The following STK32C variants were observed in gnomAD, a reference collection of about 807,000 sequenced individuals.
STK32C encodes serine/threonine-protein kinase 32C.
Under a neutral mutation model 56.5 loss-of-function variants are expected in STK32C, and 31 were observed. The ratio of observed to expected loss-of-function variants is 0.55; its 90% CI spans 0.41 to 0.74. The LOEUF (loss-of-function observed/expected upper bound fraction) is 0.74. Among genes scored for constraint, STK32C ranks in the 30% least tolerant of loss-of-function variants. The pLI, the probability that STK32C is intolerant of heterozygous loss-of-function variation, is 0.00. For synonymous variants in STK32C, 309 were observed against 289.4 expected, an observed-to-expected ratio of 1.07 and a Z score of -0.69; for missense variants, 544 against 676.9, an observed-to-expected ratio of 0.80 and a Z score of 2.18.
At chr10:132,244,749 C>T (rs1476027945) in intron 2 of STK32C, among the ~76,000 whole-genome samples, 1 of 152,212 alleles carries the variant, frequency 6.6e-6, no homozygotes, top group Non-Finnish European at 1.5e-5. Context: ...CTCCATCCTG[C>T]CTGCCCCTCG....
intron 10 of STK32C, among the ~76,000 whole-genome samples, chr10:132,221,935 C>A (rs2062681066): frequency 1.3e-5 from 2 of 151,136 alleles, no homozygotes; most frequent in Non-Finnish European, 2.9e-5. Context: ...CATCCCCACA[C>A]ACACAACTGA....
rs753703789 is a variant in STK32C at position 132,222,837 on chromosome 10, C to G, written c.1119+24G>C. 4.4e-6 allele frequency: 7 copies of G among 1,590,074 alleles called. No homozygotes were observed. In the South Asian group the frequency reaches 5.7e-5, roughly 13 times the overall value. On this transcript the variant is annotated intron_variant, in intron 9 of 11. Coordinates refer to ENST00000298630, the MANE Select transcript of STK32C (RefSeq NM_173575.4). ...CGCCACATCCATCCCCAGGGCCCCCCACCTGAGCCGCCCACAGGCTTACGT... is the reference window on the plus strand; with the variant it reads ...CGCCACATCCATCCCCAGGGCCCCCGACCTGAGCCGCCCACAGGCTTACGT...
At chr10:132,269,604 G>A (rs1590340593) in intron 1 of STK32C, among the ~76,000 whole-genome samples, 2 of 152,374 alleles carry the variant, frequency 1.3e-5, no homozygotes, top group Middle Eastern at 3.4e-3. Flanking sequence ...GCTGCTCGGG[G>A]CTAACAGCTA....
chr10:132,247,309 T>C (rs1752131918), intron 1 of STK32C, among the ~76,000 whole-genome samples: 1 of 152,178 alleles, frequency 6.6e-6, no homozygotes, highest in East Asian at 1.9e-4. Flanking sequence ...AACTGGAAAA[T>C]GCCCACTCCC....
intron 1 of STK32C, among the ~76,000 whole-genome samples, chr10:132,329,672 A>C (rs1175935112): frequency 6.6e-6 from 1 of 152,208 alleles, no homozygotes; most frequent in Admixed American, 6.6e-5. Flanking sequence ...TGGGAAGCGC[A>C]GTTTGAGAGA....
chr10:132,270,131 G>A (rs1020082198), intron 1 of STK32C, among the ~76,000 whole-genome samples: 9 of 152,230 alleles, frequency 5.9e-5, no homozygotes, highest in South Asian at 2.1e-4. Context: ...GGAGGAGGCC[G>A]AGAGAGCCCA....
At chr10:132,270,579 G>T (rs73383254) in intron 1 of STK32C, among the ~76,000 whole-genome samples, 1 of 152,234 alleles carries the variant, frequency 6.6e-6, no homozygotes, top group Non-Finnish European at 1.5e-5. Context: ...CCAGGACCCA[G>T]CATGGCCTCT....
intron 1 of STK32C, among the ~76,000 whole-genome samples, chr10:132,296,402 C>A (rs192517519): frequency 1.3e-5 from 2 of 152,068 alleles, no homozygotes; most frequent in South Asian, 4.2e-4. Flanking sequence ...CCTCTAGTTA[C>A]GACAAATGTA....
intron 2 of STK32C, among the ~76,000 whole-genome samples, chr10:132,234,983 G>A (rs1237999012): frequency 6.6e-6 from 1 of 152,222 alleles, no homozygotes; most frequent in African/African-American, 2.4e-5. Context: ...ACACGGTTGG[G>A]GAAGAAAGCA....
intron 10 of STK32C, among the ~76,000 whole-genome samples, chr10:132,215,777 G>C (rs117014649): frequency 0.12 from 17,634 of 152,248 alleles, 1,386 homozygotes; most frequent in South Asian, 0.16. Flanking sequence ...GGCAGAGGCT[G>C]GAACCATCTG....
intron 2 of STK32C, among the ~76,000 whole-genome samples, chr10:132,237,569 C>G (rs576807212): frequency 6.6e-6 from 1 of 152,362 alleles, no homozygotes; most frequent in South Asian, 2.1e-4. Context: ...GGTCCCCACG[C>G]AGGGTTTCTT....
intron 1 of STK32C, among the ~76,000 whole-genome samples, chr10:132,296,788 C>T (rs749003347): frequency 4.6e-5 from 7 of 152,238 alleles, no homozygotes; most frequent in Admixed American, 2.0e-4. Flanking sequence ...TGAGGAATGG[C>T]ACCGATCAGC....
chr10:132,250,144 C>T (rs1211352445), intron 1 of STK32C, among the ~76,000 whole-genome samples: 1 of 152,220 alleles, frequency 6.6e-6, no homozygotes, highest in Admixed American at 6.5e-5. Context: ...ACGCTGGCTC[C>T]GCACCGGGGG....
chr10:132,279,216 G>A (rs893967106), intron 1 of STK32C, among the ~76,000 whole-genome samples: 12 of 152,148 alleles, frequency 7.9e-5, no homozygotes, highest in Non-Finnish European at 1.0e-4. Context: ...TGACTTTCAC[G>A]ACTGAAGTGT....
At chr10:132,266,815 G>A (rs2064550304) in intron 1 of STK32C, among the ~76,000 whole-genome samples, 1 of 151,908 alleles carries the variant, frequency 6.6e-6, no homozygotes, top group African/African-American at 2.4e-5. Context: ...GTGGGGCGGG[G>A]GGACTCCAAG....
Position 132,227,851 on chromosome 10 carries a change from C to T in STK32C, c.470+126G>A, listed in dbSNP as rs546258633. On this transcript the variant is annotated intron_variant, in intron 3 of 11. Coordinates refer to ENST00000298630, the MANE Select transcript of STK32C (RefSeq NM_173575.4). Reference sequence around the variant, plus strand: ...ATAGATGAGGAGGGCTAGAGAGGGCCTGTGGGTGGCAGAGGCATCTCCGAG... The same window carrying T: ...ATAGATGAGGAGGGCTAGAGAGGGCTTGTGGGTGGCAGAGGCATCTCCGAG... 2.6e-5 allele frequency: 32 copies of T among 1,225,984 alleles called. No homozygotes were observed. The African/African-American group carries it at 3.7e-4, about 14-fold the overall frequency. 75.9% of individuals were successfully genotyped at this position (1,225,984 alleles called of 1,614,324 possible).
upstream of STK32C, among the ~76,000 whole-genome samples, chr10:132,308,546 C>T (rs1425594152): frequency 2.0e-4 from 28 of 141,556 alleles, no homozygotes; most frequent in East Asian, 6.0e-3. Context: ...AGGCGGCAGG[C>T]TGAGTCCAAG....
At chr10:132,297,307 C>T (rs927703604) in intron 1 of STK32C, among the ~76,000 whole-genome samples, 3 of 152,196 alleles carry the variant, frequency 2.0e-5, no homozygotes, top group Non-Finnish European at 2.9e-5. Flanking sequence ...GCCACCCCAC[C>T]GGTGCCTCCG....
intron 1 of STK32C, among the ~76,000 whole-genome samples, chr10:132,266,148 T>C (rs2064515898): frequency 6.6e-6 from 1 of 152,236 alleles, no homozygotes; most frequent in African/African-American, 2.4e-5. Context: ...CTAGGGGACT[T>C]CTTTTAAAGG....
Sources: allele counts gnomAD v4.1 joint callset (sites outside exome capture counted in the v4.1 genomes callset), GRCh38; gene constraint gnomAD v4.1.1; transcripts MANE v1.5; gene names NCBI Gene and HGNC (gene_info 2026-07-23, HGNC 2026-07-21).